The following SCMH1 variants were observed in gnomAD, a reference collection of about 807,000 sequenced individuals.
SCMH1 encodes polycomb protein SCMH1.
SCMH1 carries 37 observed loss-of-function variants against 70.8 expected under a neutral mutation model. The ratio of observed to expected loss-of-function variants is 0.52; its 90% confidence interval spans 0.40 to 0.69. The LOEUF (loss-of-function observed/expected upper bound fraction) is 0.69, where lower values mean the gene tolerates loss of function less well. Ranked by LOEUF, SCMH1 falls within the 30% of genes least tolerant of loss-of-function variation. The pLI, the probability that SCMH1 is intolerant of heterozygous loss-of-function variation, is 0.00. For missense variants in SCMH1, 607 were observed against 827.3 expected (o/e 0.73, Z 3.27); for synonymous variants, 292 against 307.4 (o/e 0.95, Z 0.52).
chr1:41,070,797 T>C (rs1656216322), intron 9 of SCMH1, 76 bp from the exon 10 acceptor site: 1 of 1,533,732 alleles, frequency 6.5e-7, no homozygotes, highest in African/African-American at 1.4e-5. Flanking sequence ...CTTAATTCAC[T>C]CATGAAGCAA....
intron 8 of SCMH1, among the ~76,000 whole-genome samples, chr1:41,082,007 T>A (rs1037177998): frequency 6.6e-6 from 1 of 152,072 alleles, no homozygotes; most frequent in East Asian, 1.9e-4. Flanking sequence ...GGTATCCATA[T>A]GGAAAAAAAT....
intron 8 of SCMH1, among the ~76,000 whole-genome samples, chr1:41,081,852 G>C (rs7523163): frequency 0.078 from 11,858 of 151,868 alleles, 597 homozygotes; most frequent in South Asian, 0.13. Flanking sequence ...TTGGTGCAAG[G>C]GTAGATGAAT....
chr1:41,049,852 C>G (rs1386352787), intron 10 of SCMH1, among the ~76,000 whole-genome samples: 1 of 150,704 alleles, frequency 6.6e-6, no homozygotes, highest in Non-Finnish European at 1.5e-5. Context: ...TCACTTAAAG[C>G]CAGGAGTTTG....
intron 5 of SCMH1, among the ~76,000 whole-genome samples, chr1:41,151,041 G>A (rs148784952): frequency 3.3e-5 from 5 of 151,980 alleles, no homozygotes; most frequent in African/African-American, 9.7e-5. Flanking sequence ...AGGATTGTAG[G>A]TAACTTCCTG....
At position 41,075,703 on chromosome 1, in the gene SCMH1, A is replaced by T. The variant is rs1658088526; in HGVS notation, c.746-252T>A. 2.0e-5 allele frequency among the ~76,000 whole-genome samples: 3 copies of T among 152,210 alleles called. No homozygotes were observed. The South Asian group carries it at 6.2e-4, about 32-fold the overall frequency. On this transcript the variant is annotated intron_variant, in intron 8 of 14. Coordinates refer to ENST00000337495, the Ensembl canonical transcript of SCMH1. ...TTTTTCTTCCTAAGGCACCTTAGAC[A>T]AATATTGTGACCTAAGTCAAAGGTG...
At position 41,037,347 on chromosome 1, in the gene SCMH1, C is replaced by A. The variant is rs748077129; in HGVS notation, c.1678+15G>T. 2 of 1,611,866 alleles carry A rather than the reference C, an allele frequency of 1.2e-6. No homozygotes were observed. The highest frequency in any genetic ancestry group is 2.2e-5 in the South Asian group (2 of 90,840). ...GTGAGGGAGGGAAGGAGGGCCAGGA[C>A]TCTGGTAAGCTTACCCCTGGAGCAT... On this transcript the variant is annotated intron_variant, in intron 13 of 14. Transcript: ENST00000337495.
intron 8 of SCMH1, among the ~76,000 whole-genome samples, chr1:41,088,577 C>T (rs1049451512): frequency 1.1e-4 from 17 of 152,108 alleles, no homozygotes; most frequent in African/African-American, 3.6e-4. Flanking sequence ...AAGCGATCCT[C>T]CCAGCTTAGT....
At chr1:41,225,790 G>A (rs1423949960) in intron 1 of SCMH1, among the ~76,000 whole-genome samples, 1 of 152,222 alleles carries the variant, frequency 6.6e-6, no homozygotes, top group Non-Finnish European at 1.5e-5. Flanking sequence ...AGCAGTGACT[G>A]AACTAGCAAA....
At chr1:41,080,411 A>G (rs1438272258) in intron 8 of SCMH1, among the ~76,000 whole-genome samples, 4 of 152,100 alleles carry the variant, frequency 2.6e-5, no homozygotes, top group African/African-American at 9.7e-5. Context: ...AAAACATGAC[A>G]AAGATAGTTA....
chr1:41,028,371 T>TG, intron 14 of SCMH1, 52 bp from the exon 16 acceptor site: 3 of 1,605,244 alleles, frequency 1.9e-6, no homozygotes, highest in Non-Finnish European at 2.6e-6. Context: ...ATCAGAGTCC[T>TG]GGTTGGTCTG....
intron 1 of SCMH1, among the ~76,000 whole-genome samples, chr1:41,203,335 C>T (rs565495753): frequency 2.6e-5 from 4 of 151,856 alleles, no homozygotes; most frequent in Non-Finnish European, 5.9e-5. Flanking sequence ...AATTGAGATC[C>T]GTTTTTAATT....
chr1:41,113,449 G>A lies in SCMH1; in HGVS notation c.579C>T (p.Phe193=), dbSNP rs758076427. 6.2e-7 allele frequency: 1 copy of A among 1,614,024 alleles called. No homozygotes were observed. Residue 193 remains phenylalanine, a synonymous_variant, in exon 8 of 15, where the codon TTC becomes TTT. Transcript: ENST00000337495. This position sits in a 1 kb window ranked among gnomAD's most constrained non-coding sequence, Gnocchi z 4.3. Reference sequence around the variant, plus strand: ...CCTCCCCAATAGTGGCTGGGCAAATGAAATGAGGGTTCTTCCTGTCCACAG... The same window carrying A: ...CCTCCCCAATAGTGGCTGGGCAAATAAAATGAGGGTTCTTCCTGTCCACAG...
rs10158312 is a variant in SCMH1, at chr1:41,038,345, T to G, written c.1499-804A>C. On this transcript the variant is annotated intron_variant, in intron 12 of 14. Coordinates refer to ENST00000337495, the Ensembl canonical transcript of SCMH1. ...GAACCCGAAGCAGATTCCTCATGAC[T>G]GGGTTCTACCCAAACCAAATCAGTT... Among the ~76,000 whole-genome samples the G allele has an allele frequency of 2.0e-3, 308 of 152,342 alleles. 1 individual carries two copies. Among genetic ancestry groups the G allele is most frequent in the African/African-American group, 7.1e-3 (296 of 41,582 alleles).
At chr1:41,151,553 T>C in intron 5 of SCMH1, 61 bp downstream of exon 5, 1 of 1,390,296 alleles carries the variant, frequency 7.2e-7, no homozygotes. Context: ...GTTTTGATTG[T>C]CTAAAAACCA....
intron 1 of SCMH1, among the ~76,000 whole-genome samples, chr1:41,191,932 C>A (rs1402872763): frequency 1.3e-5 from 2 of 152,116 alleles, no homozygotes; most frequent in Non-Finnish European, 2.9e-5. Context: ...AGGTTGAATG[C>A]CCCTTACCTC....
chr1:41,152,809 CA>C, intron 4 of SCMH1: 10 of 1,402,786 alleles, frequency 7.1e-6, no homozygotes, highest in Non-Finnish European at 9.5e-6. Flanking sequence ...CAAGACTTTA[CA>C]CTCTATTTAT....
At chr1:41,134,194 C>T (rs1642879107) in intron 6 of SCMH1, among the ~76,000 whole-genome samples, 1 of 152,156 alleles carries the variant, frequency 6.6e-6, no homozygotes, top group Non-Finnish European at 1.5e-5. Context: ...ACATGATTAT[C>T]TTAATAGATG....
At chr1:41,152,885 GC>G in intron 4 of SCMH1, 1 of 756,636 alleles carries the variant, frequency 1.3e-6, no homozygotes, top group Non-Finnish European at 2.0e-6. Flanking sequence ...AATAGATTTG[GC>G]CAGAAATCAC....
intron 7 of SCMH1, 89 bp downstream of exon 7, chr1:41,116,833 T>C (rs1420395786): frequency 1.0e-6 from 1 of 1,003,134 alleles, no homozygotes; most frequent in African/African-American, 1.6e-5. Flanking sequence ...TGAGAAGGCA[T>C]CTTCAGGCCA....
Sources: gnomAD v4.1 joint callset for allele counts (sites outside exome capture counted in the v4.1 genomes callset) on GRCh38, gnomAD v4.1.1 for gene constraint, Gnocchi (gnomAD v3.1) non-coding constraint, MANE v1.5 for transcripts, NCBI Gene and HGNC (gene_info 2026-07-23, HGNC 2026-07-21) for gene names.